PCDH15: variants seen among roughly 807,000 people sequenced by gnomAD.
PCDH15 encodes protocadherin-15.
In PCDH15, 129 loss-of-function variants were observed where a neutral mutation model predicts 178.5. The ratio of observed to expected loss-of-function variants is 0.72; its 90% CI spans 0.63 to 0.84. PCDH15 has a LOEUF of 0.84. Among genes scored for constraint, PCDH15 ranks in the 40% least tolerant of loss-of-function variants. The pLI is 0.00. For missense variants in PCDH15, 2,230 were observed against 2,099.9 expected, an observed-to-expected ratio of 1.06 and a Z score of -1.21; for synonymous variants, 800 against 732.0, an observed-to-expected ratio of 1.09 and a Z score of -1.50.
intron 2 of PCDH15, among the ~76,000 whole-genome samples, chr10:55,505,533 T>C (rs990681832): frequency 1.3e-5 from 2 of 151,284 alleles, no homozygotes; most frequent in South Asian, 4.1e-4. Flanking sequence ...GCTGGACAGA[T>C]TCACAATGAT....
chr10:54,110,470 T>G (rs2094998779), intron 15 of PCDH15, among the ~76,000 whole-genome samples: 1 of 152,162 alleles, frequency 6.6e-6, no homozygotes, highest in African/African-American at 2.4e-5. Context: ...ACACTGTGAA[T>G]TTTTCATCTT....
chr10:54,524,099 C>T (rs1262112235), intron 3 of PCDH15, among the ~76,000 whole-genome samples: 5 of 152,126 alleles, frequency 3.3e-5, no homozygotes, highest in Non-Finnish European at 5.9e-5. Flanking sequence ...AACTCACTCC[C>T]CAAATAACTT....
At chr10:54,491,182 C>T (rs1211698341) in intron 3 of PCDH15, among the ~76,000 whole-genome samples, 2 of 151,942 alleles carry the variant, frequency 1.3e-5, no homozygotes, top group Admixed American at 1.3e-4. Flanking sequence ...AAAAGGGTAT[C>T]TTGTAGGACA....
intron 2 of PCDH15, among the ~76,000 whole-genome samples, chr10:54,918,116 T>A (rs1289011806): frequency 6.6e-6 from 1 of 151,614 alleles, no homozygotes; most frequent in Non-Finnish European, 1.5e-5. Flanking sequence ...AAATGCATTT[T>A]TTTCTTGCTT....
chr10:54,329,736 T>TACATTCAGA, intron 6 of PCDH15, 30 bp from the exon 7 acceptor site: 1 of 1,350,324 alleles, frequency 7.4e-7, no homozygotes, highest in Non-Finnish European at 1.1e-6. Context: ...AGACTTCAGA[T>TACATTCAGA]TATTTGAATG....
rs908074979 is a variant in PCDH15, at chr10:54,172,488, C to T, written c.1590+10956G>A. 2.0e-5 allele frequency among the ~76,000 whole-genome samples: 3 copies of T among 152,110 alleles called. No homozygotes were observed. The East Asian group carries it at 5.8e-4, about 29-fold the overall frequency. On this transcript the variant is annotated intron_variant, in intron 13 of 37. Transcript: ENST00000644397. ...TCACACAAAGCCTGTTTGGTGGTCT[C>T]TTCACGCGCATGAAAATAACAAAAT...
At chr10:55,193,747 T>C (rs1235492631) in intron 1 of PCDH15, among the ~76,000 whole-genome samples, 3 of 152,082 alleles carry the variant, frequency 2.0e-5, no homozygotes, top group African/African-American at 7.2e-5. Flanking sequence ...ATATTCATGA[T>C]GAGTTAAATA....
intron 2 of PCDH15, among the ~76,000 whole-genome samples, chr10:55,066,930 C>T (rs1038715766): frequency 6.6e-6 from 1 of 151,678 alleles, no homozygotes; most frequent in Admixed American, 6.6e-5. Context: ...TACTAATACA[C>T]AAAAATGATA....
chr10:55,050,185 A>G (rs1841123335), intron 2 of PCDH15, among the ~76,000 whole-genome samples: 2 of 152,022 alleles, frequency 1.3e-5, no homozygotes, highest in South Asian at 4.1e-4. Flanking sequence ...AGAAAAAAAT[A>G]TAACAGTTTT....
intron 14 of PCDH15, among the ~76,000 whole-genome samples, chr10:54,141,077 T>G (rs2043364439): frequency 6.6e-6 from 1 of 151,232 alleles, no homozygotes. Context: ...CATATACACA[T>G]AGGTATACAT....
At chr10:55,467,373 CT>C (rs59787759) in intron 2 of PCDH15, among the ~76,000 whole-genome samples, 292 of 87,778 alleles carry the variant, frequency 3.3e-3, no homozygotes, top group Non-Finnish European at 4.5e-3. Context: ...CTTGGCCTGA[CT>C]TTTTTTTTTT....
At position 55,037,114 on chromosome 10, in the gene PCDH15, A is replaced by C. The variant is rs138015076; in HGVS notation, c.-80+129462T>G. On this transcript the variant is annotated intron_variant, in intron 2 of 5. Coordinates refer to the PCDH15 transcript ENST00000458638. The stretch of plus-strand genomic sequence containing the variant: ...ATAATGTTATTTTCCAAAGAGTTGG[A>C]AGGTAAAATTCAAGCTAATCAAAAC... Among the ~76,000 whole-genome samples, 426 of 152,334 alleles carry C rather than the reference A, an allele frequency of 2.8e-3. 4 individuals carry two copies. In the East Asian group the frequency reaches 0.031, roughly 11 times the overall value.
chr10:53,996,786 C>A (rs1442647500), intron 20 of PCDH15, among the ~76,000 whole-genome samples: 2 of 152,054 alleles, frequency 1.3e-5, no homozygotes, highest in African/African-American at 4.8e-5. Flanking sequence ...AATCCTTACC[C>A]TACCGTGTTT....
At chr10:54,895,693 T>C (rs1021986294) in intron 3 of PCDH15, among the ~76,000 whole-genome samples, 1 of 152,178 alleles carries the variant, frequency 6.6e-6, no homozygotes, top group Non-Finnish European at 1.5e-5. Context: ...TATTGCAATT[T>C]GTCTTTCTGT....
chr10:54,860,689 T>C (rs1375750841), intron 3 of PCDH15, among the ~76,000 whole-genome samples: 2 of 152,154 alleles, frequency 1.3e-5, no homozygotes, highest in Admixed American at 6.6e-5. Context: ...CTGGGTCATG[T>C]GGTAGTTCTG....
intron 28 of PCDH15, among the ~76,000 whole-genome samples, chr10:53,841,827 A>G (rs1488593295): frequency 1.3e-5 from 2 of 151,840 alleles, no homozygotes; most frequent in East Asian, 3.9e-4. Flanking sequence ...ATCAGTTAAT[A>G]GTTGAATGCC....
At chr10:54,535,092 A>T (rs17730550) in intron 2 of PCDH15, among the ~76,000 whole-genome samples, 31,276 of 152,166 alleles carry the variant, frequency 0.21, 3,878 homozygotes, top group Non-Finnish European at 0.28. Flanking sequence ...CTCTCTTGGC[A>T]TTACTATTTG....
At chr10:55,622,226 G>A (rs1204063497) in intron 2 of PCDH15, among the ~76,000 whole-genome samples, 2 of 142,166 alleles carry the variant, frequency 1.4e-5, no homozygotes, top group African/African-American at 5.3e-5. Context: ...GCCCAGGCTG[G>A]TCTTAAACTC....
intron 26 of PCDH15, among the ~76,000 whole-genome samples, chr10:53,889,466 T>C (rs1341734224): frequency 6.6e-6 from 1 of 151,886 alleles, no homozygotes; most frequent in African/African-American, 2.4e-5. Context: ...TAAAGAGACA[T>C]TTGACTATCT....
Sources: gnomAD v4.1 joint callset for allele counts (sites outside exome capture counted in the v4.1 genomes callset) on GRCh38, gnomAD v4.1.1 for gene constraint, MANE v1.5 for transcripts, NCBI Gene and HGNC (gene_info 2026-07-23, HGNC 2026-07-21) for gene names.